Variants in SERPINI1 observed in about 807,000 individuals in gnomAD.
SERPINI1 encodes the protein neuroserpin.
A neutral mutation model predicts 41.1 loss-of-function variants in SERPINI1; 19 were observed. The ratio of observed to expected loss-of-function variants is 0.46; its 90% CI spans 0.32 to 0.68. SERPINI1 has a LOEUF of 0.68. Among genes scored for constraint, SERPINI1 ranks in the 30% least tolerant of loss-of-function variants. SERPINI1 has a pLI of 0.03. For synonymous variants in SERPINI1, 138 were observed against 156.6 expected, an observed-to-expected ratio of 0.88 and a Z score of 0.89; for missense variants, 460 against 479.2, an observed-to-expected ratio of 0.96 and a Z score of 0.37.
chr3:167,807,356 C>A lies in SERPINI1; in HGVS notation c.979+15C>A. The A allele has an allele frequency of 2.7e-6, 4 of 1,480,322 alleles. No individual in the cohort carries two copies. The highest frequency in any genetic ancestry group is 3.8e-6 in the Non-Finnish European group (4 of 1,059,818). 91.7% of individuals were successfully genotyped at this position (1,480,322 alleles called of 1,614,324 possible). A position where few individuals can be genotyped will look rare whatever the true frequency, so the allele number is the denominator to read the frequency against. On this transcript the variant is annotated intron_variant, in intron 6 of 8. Coordinates refer to ENST00000446050, the MANE Select transcript of SERPINI1 (RefSeq NM_001122752.2). ...AGGCCTCTCTGGTAAGAAATAAACA[C>A]AAATTTTTAAAAATGTTATTCCATA...
At chr3:167,810,600 TA>T (rs35602242) in intron 6 of SERPINI1, among the ~76,000 whole-genome samples, 24,118 of 152,210 alleles carry the variant, frequency 0.16, 2,190 homozygotes, top group African/African-American at 0.24. Context: ...CAGTGAGTCA[TA>T]AGCTTTTTGT....
chr3:167,746,471 A>G (rs1444696294), intron 1 of SERPINI1, among the ~76,000 whole-genome samples: 1 of 152,142 alleles, frequency 6.6e-6, no homozygotes, highest in Admixed American at 6.5e-5. Context: ...TTGAAAAGAT[A>G]AGCCATATAA....
chr3:167,793,596 A>ATATATATATATATATATATATATATATT, intron 4 of SERPINI1, among the ~76,000 whole-genome samples: 1 of 140,620 alleles, frequency 7.1e-6, no homozygotes, highest in African/African-American at 2.7e-5. Context: ...ATATATATAT[A>ATATATATATATATATATATATATATATT]TTTTTAATTA....
intron 1 of SERPINI1, among the ~76,000 whole-genome samples, chr3:167,771,780 G>A (rs1384881385): frequency 1.3e-5 from 2 of 152,232 alleles, no homozygotes. Flanking sequence ...TACCTTGCCA[G>A]CAAGTAAGAC....
intron 1 of SERPINI1, among the ~76,000 whole-genome samples, chr3:167,760,348 AAT>A (rs35053492): frequency 8.0e-4 from 118 of 146,974 alleles, no homozygotes; most frequent in Admixed American, 1.6e-3. Context: ...ACTAATTTCA[AAT>A]ATATATATAT....
At chr3:167,820,962 G>A (rs187278252) in intron 6 of SERPINI1, among the ~76,000 whole-genome samples, 2 of 152,276 alleles carry the variant, frequency 1.3e-5, no homozygotes, top group Admixed American at 6.5e-5. Context: ...TCAGACTTGA[G>A]CAGATGACAG....
At chr3:167,787,588 A>T (rs531514777) in intron 1 of SERPINI1, among the ~76,000 whole-genome samples, 1 of 152,212 alleles carries the variant, frequency 6.6e-6, no homozygotes, top group South Asian at 2.1e-4. Flanking sequence ...CTAATGCTGC[A>T]TGAGTGACAG....
rs545598103 is a variant in SERPINI1 at position 167,739,159 on chromosome 3, T to C, written c.-19+3336T>C. Among the ~76,000 whole-genome samples, 7 of 151,748 alleles carry C rather than the reference T, an allele frequency of 4.6e-5. No homozygotes were observed. In the East Asian group the frequency reaches 1.4e-3, roughly 30 times the overall value. On this transcript the variant is annotated intron_variant, in intron 1 of 8. Transcript: ENST00000446050. ...CTTAAACCTGTAAGAATTTAGTCTT[T>C]AAAATTTGGAAGGTGTGTTTTAAGT...
intron 2 of SERPINI1, 76 bp from the exon 3 acceptor site, chr3:167,790,296 T>C: frequency 1.8e-6 from 2 of 1,130,998 alleles, no homozygotes; most frequent in Non-Finnish European, 2.7e-6. Flanking sequence ...CTTGCTGTGC[T>C]TTAATGCTCC....
intron 1 of SERPINI1, among the ~76,000 whole-genome samples, chr3:167,749,010 G>A (rs560303125): frequency 3.3e-4 from 50 of 152,168 alleles, no homozygotes; most frequent in African/African-American, 1.2e-3. Flanking sequence ...AAATGTAACC[G>A]TTGTAAATGA....
intron 1 of SERPINI1, among the ~76,000 whole-genome samples, chr3:167,762,943 T>C (rs1180219061): frequency 6.6e-6 from 1 of 152,096 alleles, no homozygotes; most frequent in African/African-American, 2.4e-5. Flanking sequence ...GGAGGGGATG[T>C]TGGGAAGGAA....
At chr3:167,802,130 A>T (rs1198887050) in intron 5 of SERPINI1, among the ~76,000 whole-genome samples, 1 of 152,058 alleles carries the variant, frequency 6.6e-6, no homozygotes, top group African/African-American at 2.4e-5. Flanking sequence ...TCAATTCAAG[A>T]TGGATTAAAG....
At chr3:167,820,049 G>T (rs1712256971) in intron 6 of SERPINI1, among the ~76,000 whole-genome samples, 1 of 152,170 alleles carries the variant, frequency 6.6e-6, no homozygotes, top group Non-Finnish European at 1.5e-5. Context: ...AGGCTGAGTG[G>T]CTTAAAAAAC....
At chr3:167,742,609 A>C (rs1480301517) in intron 1 of SERPINI1, among the ~76,000 whole-genome samples, 4 of 152,168 alleles carry the variant, frequency 2.6e-5, no homozygotes, top group Non-Finnish European at 1.5e-5. Flanking sequence ...TCCACTGTGC[A>C]CTAACTGGCT....
intron 1 of SERPINI1, among the ~76,000 whole-genome samples, chr3:167,747,452 G>C (rs1420929373): frequency 6.6e-6 from 1 of 152,142 alleles, no homozygotes; most frequent in Non-Finnish European, 1.5e-5. Flanking sequence ...AAACCATCCT[G>C]GCTAACACGG....
chr3:167,785,158 C>T (rs976788301), intron 1 of SERPINI1, among the ~76,000 whole-genome samples: 5 of 152,082 alleles, frequency 3.3e-5, no homozygotes, highest in Admixed American at 6.5e-5. Context: ...GCAGGAGAGT[C>T]GCTTGAACTC....
chr3:167,757,510 T>TCACA (rs143893182), intron 1 of SERPINI1, among the ~76,000 whole-genome samples: 113 of 149,542 alleles, frequency 7.6e-4, no homozygotes, highest in African/African-American at 1.7e-3. Flanking sequence ...TCTCTCTCTC[T>TCACA]CACACACACA....
chr3:167,797,360 T>G (rs1388533382), intron 5 of SERPINI1, among the ~76,000 whole-genome samples: 5 of 152,180 alleles, frequency 3.3e-5, no homozygotes, highest in African/African-American at 1.2e-4. Flanking sequence ...TAAATCCCAT[T>G]TGTTAAGTTT....
intron 5 of SERPINI1, among the ~76,000 whole-genome samples, chr3:167,798,264 C>T (rs573572967): frequency 3.3e-5 from 5 of 152,122 alleles, no homozygotes; most frequent in Non-Finnish European, 5.9e-5. Flanking sequence ...TGCTCATATT[C>T]ATGCCTGTAC....
Sources: allele counts gnomAD v4.1 joint callset (sites outside exome capture counted in the v4.1 genomes callset), GRCh38; gene constraint gnomAD v4.1.1; transcripts MANE v1.5; gene names NCBI Gene and HGNC (gene_info 2026-07-23, HGNC 2026-07-21).